Variants in SPG21 observed in about 807,000 individuals in gnomAD.
SPG21 encodes the protein maspardin.
In SPG21, 26 loss-of-function variants were observed where a neutral mutation model predicts 38.9. The ratio of observed to expected loss-of-function variants is 0.67; its 90% CI spans 0.49 to 0.93. The LOEUF is 0.93. SPG21 is among the 40% of genes least tolerant of loss of function. The pLI is 0.00. For synonymous variants in SPG21, 136 were observed against 128.9 expected, an observed-to-expected ratio of 1.05 and a Z score of -0.37; for missense variants, 333 against 376.5, an observed-to-expected ratio of 0.88 and a Z score of 0.96.
In SPG21 at chr15:64,969,314, A is replaced by T; in HGVS notation, c.610T>A (p.Cys204Ser). 1 of 1,614,176 alleles carries T rather than the reference A, an allele frequency of 6.2e-7. No homozygotes were observed. The highest frequency in any genetic ancestry group is 8.5e-7 in the Non-Finnish European group (1 of 1,180,026). The stretch of plus-strand genomic sequence containing the variant: ...TGAGGTTCCACATAAGAATTTTGAC[A>T]ATTCAAGGTAAGTCTTGAAGCCAGT... ...SELASRLTLN[C>S]QNSYVEPHKI... Residue 204 changes from cysteine to serine, a missense_variant, in exon 7 of 9, where the codon TGT becomes AGT. Transcript: ENST00000204566.
At chr15:64,972,553 C>T (rs1459029126) in intron 5 of SPG21, among the ~76,000 whole-genome samples, 1 of 152,216 alleles carries the variant, frequency 6.6e-6, no homozygotes, top group Non-Finnish European at 1.5e-5. Flanking sequence ...TAAAAAATAG[C>T]TGGGCACAGT....
At position 64,980,904 on chromosome 15, in the gene SPG21, T is replaced by C; in HGVS notation, c.185A>G (p.Gln62Arg). The change falls in exon 3 of 9, where the codon CAG (glutamine) becomes CGG (arginine). Residue 62 changes from glutamine (Q) to arginine (R), a missense_variant. By Grantham distance (43) the Gln-to-Arg change is conservative. Transcript: ENST00000204566. ...ACCCCATCCAGTCAGAGCCAAAATC[T>C]GCCGGAAAAAGACATCTGCAGTTCC... ...VSGTADVFFR[Q>R]ILALTGWGYR... The C allele has an allele frequency of 6.2e-7, 1 of 1,613,834 alleles. No individual in the cohort carries two copies. Among genetic ancestry groups the C allele is most frequent in the South Asian group, 1.1e-5 (1 of 91,062 alleles).
intron 1 of SPG21, chr15:64,989,082 G>C (rs191561714): frequency 1.9e-4 from 29 of 151,900 alleles, no homozygotes; most frequent in African/African-American, 6.8e-4. Flanking sequence ...CAGCATAAAT[G>C]TCTAACTTAT....
chr15:64,969,069 G>T (rs2085606870), intron 7 of SPG21, among the ~76,000 whole-genome samples, 186 bp downstream of exon 7: 1 of 152,042 alleles, frequency 6.6e-6, no homozygotes, highest in African/African-American at 2.4e-5. Flanking sequence ...TGTTATTCCT[G>T]CCAGAAAGAA....
intron 4 of SPG21, 71 bp from the exon 5 acceptor site, chr15:64,974,818 C>T (rs1595873228): frequency 6.4e-7 from 1 of 1,568,848 alleles, no homozygotes; most frequent in Non-Finnish European, 8.8e-7. Flanking sequence ...TAAAAAGTTG[C>T]TTCAATTATC....
chr15:64,971,708 C>T (rs1472853215), intron 5 of SPG21, among the ~76,000 whole-genome samples: 2 of 151,930 alleles, frequency 1.3e-5, no homozygotes, highest in Admixed American at 6.6e-5. Flanking sequence ...CGGTGGCCAG[C>T]GCCTGTAATC....
At position 64,986,620 on chromosome 15, in the gene SPG21, G is replaced by A. The variant is rs1450767650; in HGVS notation, c.-24-3027C>T. Among the ~76,000 whole-genome samples, 5 of 151,270 alleles carry A rather than the reference G, an allele frequency of 3.3e-5. No homozygotes were observed. In the East Asian group the frequency reaches 9.8e-4, roughly 30 times the overall value. ...GGAGAATCGCTTGAACCCAGGAGGC[G>A]GAGGTTGCAGTGAGCCAAGACTGCA... On this transcript the variant is annotated intron_variant, in intron 1 of 8. Transcript: ENST00000204566.
At chr15:64,971,405 G>T (rs2085659323) in intron 5 of SPG21, among the ~76,000 whole-genome samples, 1 of 152,050 alleles carries the variant, frequency 6.6e-6, no homozygotes, top group African/African-American at 2.4e-5. Flanking sequence ...CGGGCTTGGT[G>T]GCGGGCGCCT....
At chr15:64,964,581 A>AT (rs2085507084) in intron 8 of SPG21, among the ~76,000 whole-genome samples, 1 of 151,994 alleles carries the variant, frequency 6.6e-6, no homozygotes, top group East Asian at 1.9e-4. Context: ...CTGCTATTCT[A>AT]TTATCCATTT....
chr15:64,978,033 A>T (rs2085816854), intron 3 of SPG21, among the ~76,000 whole-genome samples: 2 of 149,262 alleles, frequency 1.3e-5, no homozygotes, highest in African/African-American at 4.9e-5. Context: ...GGGTTTCACC[A>T]TGTTAGCCAG....
intron 5 of SPG21, among the ~76,000 whole-genome samples, chr15:64,973,972 C>T (rs1261953666): frequency 1.4e-5 from 2 of 138,832 alleles, no homozygotes; most frequent in Non-Finnish European, 3.1e-5. Flanking sequence ...CTATGTCAGT[C>T]AATACACGGA....
At chr15:64,985,094 A>G (rs2085965134) in intron 1 of SPG21, among the ~76,000 whole-genome samples, 1 of 152,174 alleles carries the variant, frequency 6.6e-6, no homozygotes, top group African/African-American at 2.4e-5. Flanking sequence ...TGCCACTCAT[A>G]TGGACGTGAT....
At chr15:64,981,150 C>A in intron 2 of SPG21, 125 bp from the exon 3 acceptor site, 1 of 1,136,692 alleles carries the variant, frequency 8.8e-7, no homozygotes, top group Non-Finnish European at 1.3e-6. Flanking sequence ...TAACCTGGAG[C>A]TCACACCAGA....
At chr15:64,986,702 A>AAACAG in intron 1 of SPG21, among the ~76,000 whole-genome samples, 1 of 150,528 alleles carries the variant, frequency 6.6e-6, no homozygotes, top group East Asian at 1.9e-4. Flanking sequence ...AAACAAAACA[A>AAACAG]AACAAAACAA....
intron 6 of SPG21, 131 bp from the exon 7 acceptor site, chr15:64,969,493 G>C (rs921404957): frequency 1.4e-6 from 1 of 707,558 alleles, no homozygotes; most frequent in Non-Finnish European, 2.5e-6. Flanking sequence ...CATCAGTGAG[G>C]AACCACAACT....
intron 7 of SPG21, among the ~76,000 whole-genome samples, chr15:64,965,913 G>A (rs1218354287): frequency 6.6e-6 from 1 of 151,974 alleles, no homozygotes; most frequent in South Asian, 2.1e-4. Context: ...TGTTGGCCAG[G>A]CTGGTCTCAA....
intron 1 of SPG21, among the ~76,000 whole-genome samples, chr15:64,987,778 T>A (rs921149131): frequency 6.6e-6 from 1 of 152,172 alleles, no homozygotes; most frequent in Non-Finnish European, 1.5e-5. Flanking sequence ...CTCACGCCTA[T>A]AATCCCAGCA....
chr15:64,969,688 T>TG (rs1491473326), intron 6 of SPG21, among the ~76,000 whole-genome samples: 1 of 7,876 alleles, frequency 1.3e-4, no homozygotes, highest in Non-Finnish European at 2.1e-3. Context: ...TATGTTTTTG[T>TG]TTTTTTTTTT....
chr15:64,967,617 G>GTCAGT (rs1035208004), intron 7 of SPG21, among the ~76,000 whole-genome samples: 1 of 152,182 alleles, frequency 6.6e-6, no homozygotes, highest in African/African-American at 2.4e-5. Flanking sequence ...GGGACTACAG[G>GTCAGT]TGTGTGCCAC....
Sources: allele counts gnomAD v4.1 joint callset (sites outside exome capture counted in the v4.1 genomes callset), GRCh38; gene constraint gnomAD v4.1.1; transcripts MANE v1.5; gene names NCBI Gene and HGNC (gene_info 2026-07-23, HGNC 2026-07-21).